The following RB1 variants were observed in gnomAD, a reference collection of about 807,000 sequenced individuals.
The protein encoded by RB1 is RB transcriptional corepressor 1.
Under a neutral mutation model 135.4 loss-of-function variants are expected in RB1, and 18 were observed. The ratio of observed to expected loss-of-function variants is 0.13; its 90% CI spans 0.09 to 0.20. RB1 has a LOEUF of 0.20. RB1 is among the 10% of genes least tolerant of loss of function. The pLI, the probability that RB1 is intolerant of heterozygous loss-of-function variation, is 1.00. For synonymous variants in RB1, 365 were observed against 373.2 expected (o/e 0.98, Z 0.25); for missense variants, 868 against 1,110.0 (o/e 0.78, Z 3.10).
At chr13:48,394,157 A>G (rs1323036737) in intron 17 of RB1, among the ~76,000 whole-genome samples, 1 of 151,580 alleles carries the variant, frequency 6.6e-6, no homozygotes, top group Non-Finnish European at 1.5e-5. Context: ...GGGTTGGGGA[A>G]CTCCCTCCCC....
At chr13:48,379,519 C>A (rs202022369) in intron 13 of RB1, 75 bp from the exon 14 acceptor site, 36 of 1,218,028 alleles carry the variant, frequency 3.0e-5, no homozygotes, top group African/African-American at 1.3e-4. Context: ...GACTCCATCT[C>A]AAAAAAAAAA....
chr13:48,435,911 T>C (rs1355058497), intron 17 of RB1, among the ~76,000 whole-genome samples: 1 of 152,204 alleles, frequency 6.6e-6, no homozygotes, highest in East Asian at 1.9e-4. Flanking sequence ...ATTATATTAA[T>C]AATTGCATTA....
At chr13:48,356,830 A>C (rs1030091165) in intron 6 of RB1, among the ~76,000 whole-genome samples, 7 of 151,688 alleles carry the variant, frequency 4.6e-5, no homozygotes, top group Non-Finnish European at 7.4e-5. Context: ...TTTTGGTTCC[A>C]TGTTCTTTAT....
intron 13 of RB1, 75 bp from the exon 14 acceptor site, chr13:48,379,519 C>CAAA (rs11449461): frequency 7.1e-4 from 857 of 1,207,586 alleles, no homozygotes; most frequent in Middle Eastern, 1.8e-3. Context: ...GACTCCATCT[C>CAAA]AAAAAAAAAA....
chr13:48,317,778 T>G (rs1952198937), intron 2 of RB1: 1 of 374,964 alleles, frequency 2.7e-6, no homozygotes, highest in Non-Finnish European at 4.9e-6. Flanking sequence ...CTGCACCTCA[T>G]GGCCCTTCTG....
rs531794375 is a variant in RB1 at position 48,320,375 on chromosome 13, C to T, written c.264+12969C>T. 6 of 1,218,864 alleles carry T rather than the reference C, an allele frequency of 4.9e-6. No individual in the cohort carries two copies. The East Asian group carries it at 1.2e-4, about 24-fold the overall frequency. The allele number at this position is 1,218,864 out of a possible 1,614,324, so 75.5% of individuals were successfully genotyped here. A position where few individuals can be genotyped will look rare whatever the true frequency, so the allele number is the denominator to read the frequency against. On this transcript the variant is annotated intron_variant, in intron 2 of 26. Transcript: ENST00000267163. ...GACACGCTCTCCACCCCCTCGTCAG[C>T]CTCCGAGAAGCACCCGGGGAACCTA...
intron 17 of RB1, among the ~76,000 whole-genome samples, chr13:48,397,642 TAAAA>T (rs1259193663): frequency 6.6e-6 from 1 of 152,076 alleles, no homozygotes; most frequent in African/African-American, 2.4e-5. Context: ...TAAAGTATAA[TAAAA>T]AAACAGAAAA....
chr13:48,379,755 A>G, intron 14 of RB1, 105 bp downstream of exon 14: 1 of 1,391,392 alleles, frequency 7.2e-7, no homozygotes, highest in Non-Finnish European at 9.8e-7. Flanking sequence ...AGGTCAAGGC[A>G]TCAAGATCAT....
intron 17 of RB1, among the ~76,000 whole-genome samples, chr13:48,415,236 A>G (rs1385169708): frequency 6.6e-6 from 1 of 151,836 alleles, no homozygotes; most frequent in Non-Finnish European, 1.5e-5. Flanking sequence ...TTGACTTGTT[A>G]TTCACTTAAG....
At chr13:48,392,614 A>G (rs988146467) in intron 17 of RB1, among the ~76,000 whole-genome samples, 8 of 151,690 alleles carry the variant, frequency 5.3e-5, no homozygotes, top group South Asian at 2.1e-4. Flanking sequence ...TATATCTTCC[A>G]TATCTATTTT....
At chr13:48,380,110 AT>A (rs1462776969) in intron 15 of RB1, 26 bp downstream of exon 15, 15 of 1,447,096 alleles carry the variant, frequency 1.0e-5, no homozygotes, top group Non-Finnish European at 1.4e-5. Flanking sequence ...TTAGTAAAAA[AT>A]TTTTTTCTTT....
Position 48,480,878 on chromosome 13 carries a change from C to T in RB1, c.*807C>T. 1 of 227,604 alleles carries T rather than the reference C, an allele frequency of 4.4e-6. No homozygotes were observed. Among genetic ancestry groups the T allele is most frequent in the South Asian group, 1.8e-4 (1 of 5,470 alleles). 14.1% of individuals were successfully genotyped at this position (227,604 alleles called of 1,614,324 possible). A position where few individuals can be genotyped will look rare whatever the true frequency, so the allele number is the denominator to read the frequency against. On this transcript the variant is annotated 3_prime_UTR_variant, in exon 27 of 27. Transcript: ENST00000267163. ...TCAGATCACTGAATTTATAAAGTAC[C>T]CATCTAGTACTTGAAAAAGTAAAGT... is the stretch of plus-strand genomic sequence containing the variant.
chr13:48,339,209 G>A (rs1189987850), intron 2 of RB1, among the ~76,000 whole-genome samples: 1 of 152,202 alleles, frequency 6.6e-6, no homozygotes, highest in Non-Finnish European at 1.5e-5. Context: ...CTGTCAGACA[G>A]GGACATTTAA....
intron 6 of RB1, among the ~76,000 whole-genome samples, chr13:48,351,775 G>A (rs1176927307): frequency 6.6e-6 from 1 of 151,970 alleles, no homozygotes; most frequent in African/African-American, 2.4e-5. Context: ...CCGGGTTTAA[G>A]TGATTATCTT....
chr13:48,321,406 T>G (rs1409392460), intron 2 of RB1, among the ~76,000 whole-genome samples: 1 of 148,148 alleles, frequency 6.8e-6, no homozygotes, highest in Non-Finnish European at 1.5e-5. Context: ...CGCGCGCCGC[T>G]GCCACCGCCC....
intron 17 of RB1, chr13:48,411,466 G>A (rs1475876204): frequency 1.2e-6 from 2 of 1,612,386 alleles, no homozygotes; most frequent in Admixed American, 1.7e-5. Context: ...TCTGCACCAT[G>A]AACTTCAGAG....
At chr13:48,371,515 T>C (rs977140490) in intron 11 of RB1, among the ~76,000 whole-genome samples, 1 of 152,104 alleles carries the variant, frequency 6.6e-6, no homozygotes, top group East Asian at 1.9e-4. Context: ...GAACCAACGA[T>C]AGTGGTGGGA....
intron 17 of RB1, among the ~76,000 whole-genome samples, chr13:48,413,448 TTAGAA>T (rs1240972378): frequency 2.0e-5 from 3 of 152,204 alleles, no homozygotes; most frequent in African/African-American, 7.2e-5. Context: ...ATATGACAAT[TTAGAA>T]AAGAAAATGT....
chr13:48,456,232 A>G lies in RB1; in HGVS notation c.1843A>G (p.Lys615Glu). The change falls in exon 19 of 27, where the codon AAA (lysine) becomes GAA (glutamate). Residue 615 changes from lysine (K) to glutamate (E), a missense_variant. This residue lies in a region of RB1 where 641 missense variants were observed against 791.3 expected (regional missense o/e 0.81). Transcript: ENST00000267163. The stretch of plus-strand genomic sequence containing the variant: ...TCTTTCTCCTGTAAGATCTCCAAAG[A>G]AAAAAGGTTCAACTACGCGTGTAAA... Reference protein sequence around the residue: ...MYLSPVRSPKKKGSTTRVNST... With the variant: ...MYLSPVRSPKEKGSTTRVNST... The G allele has an allele frequency of 6.2e-7, 1 of 1,614,126 alleles. No individual in the cohort carries two copies.
Sources: gnomAD v4.1 joint callset for allele counts (sites outside exome capture counted in the v4.1 genomes callset) on GRCh38, gnomAD v4.1.1 for gene constraint, gnomAD v4.1.1 regional missense constraint, MANE v1.5 for transcripts, NCBI Gene and HGNC (gene_info 2026-07-23, HGNC 2026-07-21) for gene names.